The following HECW1 variants were observed in gnomAD, a reference collection of about 807,000 sequenced individuals.
HECW1 encodes E3 ubiquitin-protein ligase HECW1.
In HECW1, 61 loss-of-function variants were observed where a neutral mutation model predicts 182.3. That is an observed-to-expected ratio of 0.33 (90% CI 0.27 to 0.41). The LOEUF (loss-of-function observed/expected upper bound fraction) is 0.41. HECW1 is among the 10% of genes least tolerant of loss of function. The pLI is 1.00. For missense variants in HECW1, 1,739 were observed against 2,108.9 expected, an observed-to-expected ratio of 0.82 and a Z score of 3.44; for synonymous variants, 859 against 832.6, an observed-to-expected ratio of 1.03 and a Z score of -0.55.
intron 15 of HECW1, 151 bp downstream of exon 15, chr7:43,466,719 C>T (rs1000101201): frequency 1.4e-5 from 12 of 884,532 alleles, no homozygotes; most frequent in South Asian, 8.4e-5. Context: ...TTTGACTATC[C>T]GTGAGTCTCC....
chr7:43,188,643 G>A (rs1793626553), intron 2 of HECW1, among the ~76,000 whole-genome samples: 1 of 152,160 alleles, frequency 6.6e-6, no homozygotes, highest in South Asian at 2.1e-4. Context: ...TTGGGCCAAA[G>A]GGAAATTGAG....
At chr7:43,332,913 G>A (rs992347905) in intron 5 of HECW1, among the ~76,000 whole-genome samples, 10 of 152,174 alleles carry the variant, frequency 6.6e-5, no homozygotes, top group African/African-American at 2.4e-4. Flanking sequence ...GAAACCTGAG[G>A]CAGAGGAAGA....
intron 3 of HECW1, among the ~76,000 whole-genome samples, chr7:43,247,169 C>T (rs1799452252): frequency 6.6e-6 from 1 of 152,200 alleles, no homozygotes; most frequent in Non-Finnish European, 1.5e-5. Flanking sequence ...ACTACAATGC[C>T]AAGGTGTGAT....
At chr7:43,459,706 T>G (rs1288577685) in intron 13 of HECW1, among the ~76,000 whole-genome samples, 2 of 152,056 alleles carry the variant, frequency 1.3e-5, no homozygotes, top group Non-Finnish European at 2.9e-5. Context: ...CTCAGCTAAT[T>G]TTTGCATTTT....
intron 5 of HECW1, among the ~76,000 whole-genome samples, chr7:43,333,620 A>G (rs1811767598): frequency 1.3e-5 from 2 of 152,198 alleles, no homozygotes; most frequent in African/African-American, 4.8e-5. Context: ...TTATATAATG[A>G]ATGAATTAAG....
intron 8 of HECW1, among the ~76,000 whole-genome samples, chr7:43,422,242 A>G (rs2076205898): frequency 4.6e-5 from 7 of 152,180 alleles, no homozygotes; most frequent in Admixed American, 3.9e-4. Flanking sequence ...CCATTACCCT[A>G]CAATTACCCA....
chr7:43,253,171 G>A (rs1248258630), intron 3 of HECW1, among the ~76,000 whole-genome samples: 4 of 151,920 alleles, frequency 2.6e-5, no homozygotes, highest in South Asian at 2.1e-4. Flanking sequence ...TGCACAGCCC[G>A]TTTCGGGAAC....
chr7:43,168,703 T>C (rs1791382056), intron 2 of HECW1, among the ~76,000 whole-genome samples: 1 of 151,934 alleles, frequency 6.6e-6, no homozygotes, highest in South Asian at 2.1e-4. Flanking sequence ...TATTAATCAA[T>C]AGGGATAAGA....
chr7:43,210,920 T>C (rs985612319), intron 2 of HECW1, among the ~76,000 whole-genome samples: 1 of 152,138 alleles, frequency 6.6e-6, no homozygotes, highest in Non-Finnish European at 1.5e-5. Flanking sequence ...GAGTGTGCAC[T>C]TGCAAGATTT....
At chr7:43,321,691 A>G (rs992776382) in intron 5 of HECW1, among the ~76,000 whole-genome samples, 5 of 152,260 alleles carry the variant, frequency 3.3e-5, no homozygotes, top group African/African-American at 1.2e-4. Flanking sequence ...AAAAAGATGC[A>G]TGGCTAGGAA....
At chr7:43,403,649 G>C (rs528370447) in intron 7 of HECW1, among the ~76,000 whole-genome samples, 160 of 152,128 alleles carry the variant, frequency 1.1e-3, no homozygotes, top group African/African-American at 3.6e-3. Flanking sequence ...TGTTTCCCAG[G>C]CTCTCACATA....
At chr7:43,178,278 T>A (rs900366194) in intron 2 of HECW1, among the ~76,000 whole-genome samples, 1 of 151,488 alleles carries the variant, frequency 6.6e-6, no homozygotes. Context: ...AGTACTGGGA[T>A]TACAGGCGTG....
At chr7:43,309,370 T>C (rs1808219378) in intron 3 of HECW1, among the ~76,000 whole-genome samples, 1 of 152,200 alleles carries the variant, frequency 6.6e-6, no homozygotes, top group Non-Finnish European at 1.5e-5. Flanking sequence ...ATCGTTCCAA[T>C]CCAGTAATCA....
chr7:43,445,134 C>T lies in HECW1; in HGVS notation c.1962C>T (p.Thr654=), dbSNP rs773405746. 7 of 1,609,480 alleles carry T rather than the reference C, an allele frequency of 4.3e-6. No individual in the cohort carries two copies. Among genetic ancestry groups the T allele is most frequent in the South Asian group, 2.2e-5 (2 of 90,912 alleles). Residue 654 remains threonine (T), a synonymous_variant, in exon 11 of 30, where the codon ACC becomes ACT. Coordinates refer to ENST00000395891, the MANE Select transcript of HECW1 (RefSeq NM_015052.5). The part of the protein sequence containing the change: ...AAQDGDTHPS[T]GSESDSSPRQ... The stretch of plus-strand genomic sequence containing the variant: ...AGGATGGCGACACGCACCCCAGCAC[C>T]GGGAGCGAGAGCGACTCCAGCCCCA...
intron 3 of HECW1, among the ~76,000 whole-genome samples, chr7:43,299,073 C>T (rs1806400334): frequency 6.6e-6 from 1 of 152,194 alleles, no homozygotes; most frequent in South Asian, 2.1e-4. Flanking sequence ...GCAGTGAGTG[C>T]CCTTGAATCT....
intron 2 of HECW1, among the ~76,000 whole-genome samples, chr7:43,168,688 G>A (rs1274227380): frequency 6.6e-6 from 1 of 151,964 alleles, no homozygotes; most frequent in Admixed American, 6.6e-5. Flanking sequence ...AATAATAATA[G>A]TATGTATTAA....
chr7:43,406,384 G>C (rs2075610556), intron 7 of HECW1, among the ~76,000 whole-genome samples: 1 of 152,208 alleles, frequency 6.6e-6, no homozygotes, highest in Non-Finnish European at 1.5e-5. Flanking sequence ...TATCATGCCA[G>C]AGAGTAGGAA....
At chr7:43,189,899 CAT>C (rs1793742958) in intron 2 of HECW1, among the ~76,000 whole-genome samples, 1 of 152,134 alleles carries the variant, frequency 6.6e-6, no homozygotes, top group East Asian at 1.9e-4. Flanking sequence ...AGACCTGCAA[CAT>C]ATTTTGAATC....
Position 43,432,145 on chromosome 7 carries a change from C to CT in HECW1, c.802-5846dup, listed in dbSNP as rs35096209. 0.17 allele frequency among the ~76,000 whole-genome samples: 24,583 copies of CT among 144,370 alleles called. 2,349 individuals carry two copies. The highest frequency in any genetic ancestry group is 0.25 in the African/African-American group (9,926 of 39,164). 94.7% of individuals were successfully genotyped at this position (144,370 alleles called of 152,430 possible). A position where few individuals can be genotyped will look rare whatever the true frequency, so the allele number is the denominator to read the frequency against. On this transcript the variant is annotated intron_variant, in intron 8 of 29. Transcript: ENST00000395891. The surrounding 1 kb of genome is among the most constrained non-coding windows in gnomAD (Gnocchi z 4.1). ...ACCCGGCCAGTTGTTTATTTTATTTCTTTTTTTTTTTTGAGACGGAGTCTC... is the reference window on the plus strand; with the variant it reads ...ACCCGGCCAGTTGTTTATTTTATTTCTTTTTTTTTTTTTGAGACGGAGTCTC...
Sources: allele counts gnomAD v4.1 joint callset (sites outside exome capture counted in the v4.1 genomes callset), GRCh38; gene constraint gnomAD v4.1.1; non-coding constraint Gnocchi (gnomAD v3.1); transcripts MANE v1.5; gene names NCBI Gene and HGNC (gene_info 2026-07-23, HGNC 2026-07-21).